The following MYH11 variants were observed in gnomAD, a reference collection of about 807,000 sequenced individuals.
The protein encoded by MYH11 is myosin heavy chain 11, also known as myosin-11.
In MYH11, 80 loss-of-function variants were observed where a neutral mutation model predicts 246.6. The ratio of observed to expected loss-of-function variants is 0.32; its 90% CI spans 0.27 to 0.39. The LOEUF (loss-of-function observed/expected upper bound fraction) is 0.39. MYH11 is among the 10% of genes least tolerant of loss of function. The probability of loss-of-function intolerance (pLI) is 1.00; values close to 1 mark genes in which losing one functional copy is unlikely to be tolerated. For synonymous variants in MYH11, 1,071 were observed against 1,015.5 expected, an observed-to-expected ratio of 1.05 and a Z score of -1.04; for missense variants, 2,158 against 2,546.8, an observed-to-expected ratio of 0.85 and a Z score of 3.29.
At position 15,703,472 on chromosome 16, in the gene MYH11, A is replaced by G. The variant is rs886051732; in HGVS notation, c.*519T>C. The G allele has an allele frequency of 4.1e-6, 1 of 241,528 alleles. No individual in the cohort carries two copies. The highest frequency in any genetic ancestry group is 5.9e-5 in the East Asian group (1 of 17,068). 15.0% of individuals were successfully genotyped at this position (241,528 alleles called of 1,614,324 possible). On this transcript the variant is annotated 3_prime_UTR_variant, in exon 41 of 41. Transcript: ENST00000300036. ...CGTGGATATGTTTTTCTAAAAACTC[A>G]GTGTCTGCACAATCCATTGATAGAA...
At chr16:15,772,583 C>A (rs1007276938) in intron 8 of MYH11, among the ~76,000 whole-genome samples, 16 of 152,296 alleles carry the variant, frequency 1.1e-4, no homozygotes, top group African/African-American at 3.6e-4. Flanking sequence ...CACTATCTCT[C>A]TGTACAATAG....
rs768123738 is a variant in MYH11 at position 15,718,340 on chromosome 16, T to A, written c.5270A>T (p.Asp1757Val). ...CTGCTGTGTGGCTTTGCGGACCCGGTCGCTCATGGCCTCCATGTTGCCCTG... is the reference window on the plus strand; with the variant it reads ...CTGCTGTGTGGCTTTGCGGACCCGGACGCTCATGGCCTCCATGTTGCCCTG... ...EEQGNMEAMS[D>V]RVRKATQQAE... Residue 1757 changes from aspartate (D) to valine (V), a missense_variant, in exon 37 of 41, where the codon GAC (aspartate) becomes GTC (valine). Coordinates refer to ENST00000300036, the MANE Select transcript of MYH11 (RefSeq NM_002474.3). 1 of 1,609,162 alleles carries A rather than the reference T, an allele frequency of 6.2e-7. No homozygotes were observed. Among genetic ancestry groups the A allele is most frequent in the Non-Finnish European group, 8.5e-7 (1 of 1,179,940 alleles).
chr16:15,856,060 AC>A (rs2044459663), intron 1 of MYH11, among the ~76,000 whole-genome samples: 1 of 152,060 alleles, frequency 6.6e-6, no homozygotes, highest in Non-Finnish European at 1.5e-5. Flanking sequence ...CTCTCGTTTT[AC>A]CCATTTGGTT....
intron 8 of MYH11, among the ~76,000 whole-genome samples, chr16:15,774,113 C>G (rs1051268724): frequency 6.6e-6 from 1 of 152,188 alleles, no homozygotes; most frequent in Non-Finnish European, 1.5e-5. Context: ...GCTTGATAAA[C>G]TCGAGGTTAA....
At chr16:15,775,947 A>G (rs1567751302) in intron 8 of MYH11, 131 bp downstream of exon 8, 1 of 781,118 alleles carries the variant, frequency 1.3e-6, no homozygotes, top group Non-Finnish European at 2.3e-6. Context: ...AGAACTGTTC[A>G]TATGTCACTC....
At chr16:15,778,628 A>G (rs1467289228) in intron 7 of MYH11, 152 bp downstream of exon 7, 1 of 822,992 alleles carries the variant, frequency 1.2e-6, no homozygotes, top group African/African-American at 1.7e-5. Flanking sequence ...TAACCACTGC[A>G]CCACAATGCC....
At chr16:15,781,861 AAG>A (rs2042361844) in intron 6 of MYH11, among the ~76,000 whole-genome samples, 1 of 152,182 alleles carries the variant, frequency 6.6e-6, no homozygotes, top group African/African-American at 2.4e-5. Flanking sequence ...GAAAAAAACA[AAG>A]AGAATGGTGG....
rs2041011044 is a variant in MYH11, at chr16:15,732,980, T to G, written c.3507-272A>C. On this transcript the variant is annotated intron_variant, in intron 26 of 40. Transcript: ENST00000300036. ...TAGAATTGAAAGGATGTCTGTGAAC[T>G]GCAAAATTTTGCTTAAATATTAATG... 4.1e-5 allele frequency: 22 copies of G among 541,244 alleles called. No individual in the cohort carries two copies. In the South Asian group the frequency reaches 4.6e-4, roughly 11 times the overall value. The allele number at this position is 541,244 out of a possible 1,614,324, so 33.5% of individuals were successfully genotyped here.
intron 1 of MYH11, among the ~76,000 whole-genome samples, chr16:15,839,821 A>AG (rs200168985): frequency 2.6e-5 from 4 of 152,032 alleles, no homozygotes; most frequent in Admixed American, 1.3e-4. Flanking sequence ...AGGCCAAGGC[A>AG]GGGGGGATCA....
At chr16:15,729,951 G>C (rs2040910720) in intron 27 of MYH11, among the ~76,000 whole-genome samples, 1 of 152,154 alleles carries the variant, frequency 6.6e-6, no homozygotes, top group African/African-American at 2.4e-5. Context: ...CTCCCAAAGT[G>C]CTGGGATTAT....
intron 15 of MYH11, 35 bp downstream of exon 15, chr16:15,753,359 A>G: frequency 6.3e-7 from 1 of 1,587,706 alleles, no homozygotes; most frequent in Non-Finnish European, 8.6e-7. Flanking sequence ...CTCCAGCTCA[A>G]AGCAGAACAT....
rs533355331 is a variant in MYH11, at chr16:15,803,248, G to A, written c.503-4561C>T. ...TCCACCCAGGGGGAGAAATTCACTC[G>A]AGGACAGAGCAAAATGGGAAACCAG... On this transcript the variant is annotated intron_variant, in intron 3 of 40. Transcript: ENST00000300036. Among the ~76,000 whole-genome samples, 117 of 151,430 alleles carry A rather than the reference G, an allele frequency of 7.7e-4. 3 individuals carry two copies. The South Asian group carries it at 0.022, about 29-fold the overall frequency.
intron 2 of MYH11, among the ~76,000 whole-genome samples, chr16:15,835,739 T>C (rs988769373): frequency 4.2e-5 from 6 of 144,404 alleles, no homozygotes; most frequent in African/African-American, 1.6e-4. Flanking sequence ...TCCATGAAGC[T>C]GGTACTATTT....
At chr16:15,781,705 A>G (rs1036827563) in intron 6 of MYH11, among the ~76,000 whole-genome samples, 5 of 152,026 alleles carry the variant, frequency 3.3e-5, no homozygotes, top group Non-Finnish European at 2.9e-5. Context: ...GGAAGGTAGT[A>G]CCCCCTGCCT....
intron 2 of MYH11, among the ~76,000 whole-genome samples, chr16:15,829,008 A>G (rs1448445033): frequency 6.6e-6 from 1 of 151,644 alleles, no homozygotes; most frequent in Non-Finnish European, 1.5e-5. Flanking sequence ...ACATGGCAAA[A>G]CCCCGTCTTT....
At chr16:15,820,223 TC>T (rs2043372185) in intron 3 of MYH11, among the ~76,000 whole-genome samples, 4 of 152,146 alleles carry the variant, frequency 2.6e-5, no homozygotes, top group Non-Finnish European at 5.9e-5. Context: ...ATGCCTGTAA[TC>T]CCAGCACTAT....
chr16:15,703,569 T>G lies in MYH11; in HGVS notation c.*422A>C. On this transcript the variant is annotated 3_prime_UTR_variant, in exon 41 of 41. Transcript: ENST00000300036. ...CATCATACAAACTTCAATTTTTACC[T>G]TGAATACAGGGGTAGTAGGGGTGGT... 5.9e-6 allele frequency: 2 copies of G among 340,188 alleles called. No individual in the cohort carries two copies. Among genetic ancestry groups the G allele is most frequent in the South Asian group, 4.3e-5 (1 of 23,242 alleles). The allele number at this position is 340,188 out of a possible 1,614,324, so 21.1% of individuals were successfully genotyped here. A position where few individuals can be genotyped will look rare whatever the true frequency, so the allele number is the denominator to read the frequency against.
intron 15 of MYH11, among the ~76,000 whole-genome samples, chr16:15,752,057 G>A (rs1043204179): frequency 1.3e-5 from 2 of 152,012 alleles, no homozygotes; most frequent in Admixed American, 1.3e-4. Flanking sequence ...CTCCCAAAGT[G>A]CTGAGATTAC....
intron 3 of MYH11, among the ~76,000 whole-genome samples, chr16:15,812,028 C>T (rs868363643): frequency 2.0e-5 from 3 of 152,152 alleles, no homozygotes; most frequent in African/African-American, 7.2e-5. Flanking sequence ...CTATTCATCA[C>T]GTTCATTTAT....
Sources: allele counts gnomAD v4.1 joint callset (sites outside exome capture counted in the v4.1 genomes callset), GRCh38; gene constraint gnomAD v4.1.1; transcripts MANE v1.5; gene names NCBI Gene and HGNC (gene_info 2026-07-23, HGNC 2026-07-21).